The following CDYL variants were observed in gnomAD, a reference collection of about 807,000 sequenced individuals.
CDYL encodes the protein chromodomain Y like, also known as chromodomain Y-like protein.
Under a neutral mutation model 47.3 loss-of-function variants are expected in CDYL, and 8 were observed. That is an observed-to-expected ratio of 0.17 (90% CI 0.10 to 0.31). The LOEUF (loss-of-function observed/expected upper bound fraction) is 0.31, where lower values mean the gene tolerates loss of function less well. CDYL is among the 10% of genes least tolerant of loss of function. CDYL has a pLI of 1.00. For missense variants in CDYL, 471 were observed against 701.4 expected (o/e 0.67, Z 3.71); for synonymous variants, 266 against 265.0 (o/e 1.00, Z -0.04).
upstream of CDYL, chr6:4,774,886 GT>G (rs1305193734): frequency 6.6e-6 from 1 of 152,308 alleles, no homozygotes; most frequent in Non-Finnish European, 1.5e-5. Flanking sequence ...TGAGCTGGGA[GT>G]TTGTTTCAAA....
At chr6:4,899,231 G>A (rs1199826737) in intron 2 of CDYL, among the ~76,000 whole-genome samples, 1 of 152,224 alleles carries the variant, frequency 6.6e-6, no homozygotes, top group African/African-American at 2.4e-5. Context: ...AGTGTAAGAG[G>A]AAGGAGAGCG....
intron 5 of CDYL, among the ~76,000 whole-genome samples, chr6:4,948,719 T>C (rs1259294225): frequency 6.6e-6 from 1 of 152,166 alleles, no homozygotes; most frequent in African/African-American, 2.4e-5. Context: ...CAGCCCAGAA[T>C]GTCCCTAGTG....
In CDYL at chr6:4,819,601, A is replaced by G. The variant is rs369889110; in HGVS notation, c.24+42794A>G. 7.2e-5 allele frequency among the ~76,000 whole-genome samples: 11 copies of G among 152,338 alleles called. No homozygotes were observed. In the East Asian group the frequency reaches 1.5e-3, roughly 21 times the overall value. On this transcript the variant is annotated intron_variant, in intron 1 of 6. Coordinates refer to ENST00000397588, the MANE Select transcript of CDYL (RefSeq NM_004824.4). ...CTGCAATTTTGTAGTTAAGAACTTC[A>G]GGTCAGAGAGGTTACTAGTGATGCC...
chr6:4,712,857 G>A (rs1469134738), intron 1 of CDYL, among the ~76,000 whole-genome samples: 1 of 152,204 alleles, frequency 6.6e-6, no homozygotes, highest in Non-Finnish European at 1.5e-5. Flanking sequence ...TACCAAGTAT[G>A]TACCAAGTAT....
intron 1 of CDYL, among the ~76,000 whole-genome samples, chr6:4,806,165 G>A (rs1238534324): frequency 1.3e-5 from 2 of 152,198 alleles, no homozygotes; most frequent in Non-Finnish European, 2.9e-5. Flanking sequence ...GGCCCTGCAT[G>A]CCGACCCACC....
intron 1 of CDYL, among the ~76,000 whole-genome samples, chr6:4,856,577 G>A (rs898948204): frequency 1.3e-5 from 2 of 152,204 alleles, no homozygotes; most frequent in African/African-American, 4.8e-5. Flanking sequence ...TGTTGCGACA[G>A]TCGGGGCCAG....
At chr6:4,813,450 G>A (rs535270076) in intron 1 of CDYL, among the ~76,000 whole-genome samples, 1 of 152,204 alleles carries the variant, frequency 6.6e-6, no homozygotes, top group African/African-American at 2.4e-5. Flanking sequence ...GTTTTCTCCT[G>A]TATCTAATGA....
chr6:4,763,004 A>T, intron 3 of CDYL, among the ~76,000 whole-genome samples: 1 of 152,150 alleles, frequency 6.6e-6, no homozygotes, highest in East Asian at 1.9e-4. Flanking sequence ...ACTGCTGAAA[A>T]CCCAAGACAA....
Position 4,805,421 on chromosome 6 carries a change from T to C in CDYL, c.24+28614T>C, listed in dbSNP as rs201448540. On this transcript the variant is annotated intron_variant, in intron 1 of 6. Coordinates refer to ENST00000397588, the MANE Select transcript of CDYL (RefSeq NM_004824.4). ...GGTAATTCGAATGGCGGAAATTTCATAGAATTGTTGGAGAGGTGTTTAGGA... is the reference window on the plus strand; with the variant it reads ...GGTAATTCGAATGGCGGAAATTTCACAGAATTGTTGGAGAGGTGTTTAGGA... Among the ~76,000 whole-genome samples the C allele has an allele frequency of 2.0e-5, 3 of 152,320 alleles. No homozygotes were observed. In the East Asian group the frequency reaches 5.8e-4, roughly 29 times the overall value.
At chr6:4,844,133 C>T (rs1760584382) in intron 1 of CDYL, among the ~76,000 whole-genome samples, 1 of 152,196 alleles carries the variant, frequency 6.6e-6, no homozygotes. Context: ...ATACCGGGCT[C>T]TGGGCTGGTA....
At chr6:4,924,568 A>T (rs1757810211) in intron 2 of CDYL, among the ~76,000 whole-genome samples, 1 of 152,284 alleles carries the variant, frequency 6.6e-6, no homozygotes, top group Non-Finnish European at 1.5e-5. Flanking sequence ...AAGCATTTCC[A>T]TCCTCACTCC....
At chr6:4,816,382 G>T (rs981523138) in intron 1 of CDYL, among the ~76,000 whole-genome samples, 1 of 151,708 alleles carries the variant, frequency 6.6e-6, no homozygotes, top group Non-Finnish European at 1.5e-5. Context: ...ATAGCCCCAA[G>T]AAACTACTAC....
intron 3 of CDYL, among the ~76,000 whole-genome samples, chr6:4,740,789 CTT>C (rs57810529): frequency 7.1e-5 from 10 of 140,624 alleles, no homozygotes; most frequent in East Asian, 2.0e-4. Flanking sequence ...ACTCTAAAAT[CTT>C]TTTTTTTTTT....
intron 1 of CDYL, among the ~76,000 whole-genome samples, chr6:4,823,977 C>G (rs943248754): frequency 3.9e-5 from 6 of 152,170 alleles, no homozygotes. Context: ...TAAGGGAGAT[C>G]TTGTAGTATT....
At chr6:4,771,053 T>C (rs1758330776) in intron 3 of CDYL, among the ~76,000 whole-genome samples, 1 of 152,054 alleles carries the variant, frequency 6.6e-6, no homozygotes, top group Non-Finnish European at 1.5e-5. Flanking sequence ...CCTAGTAAAG[T>C]GATGGATGCT....
At chr6:4,722,742 A>G (rs1255113041) in intron 2 of CDYL, among the ~76,000 whole-genome samples, 2 of 152,096 alleles carry the variant, frequency 1.3e-5, no homozygotes, top group Non-Finnish European at 2.9e-5. Context: ...CTGGATGTGC[A>G]GGTGCATACC....
chr6:4,941,225 A>G (rs1160732227), intron 4 of CDYL, among the ~76,000 whole-genome samples: 1 of 152,224 alleles, frequency 6.6e-6, no homozygotes, highest in East Asian at 1.9e-4. Flanking sequence ...TTTAAAACAC[A>G]CTTGGCTGAA....
chr6:4,801,433 G>A (rs771939917), intron 1 of CDYL, among the ~76,000 whole-genome samples: 12 of 152,156 alleles, frequency 7.9e-5, no homozygotes, highest in Non-Finnish European at 1.8e-4. Context: ...TTCTTGTCTA[G>A]TGGAAAGTTG....
chr6:4,914,774 G>A (rs969843575), intron 2 of CDYL, among the ~76,000 whole-genome samples: 2 of 152,176 alleles, frequency 1.3e-5, no homozygotes, highest in Admixed American at 6.5e-5. Flanking sequence ...TTCTTAGAAC[G>A]GGGCCCACAC....
Sources: allele counts gnomAD v4.1 joint callset (sites outside exome capture counted in the v4.1 genomes callset), GRCh38; gene constraint gnomAD v4.1.1; transcripts MANE v1.5; gene names NCBI Gene and HGNC (gene_info 2026-07-23, HGNC 2026-07-21).